CNTRL: variants seen among roughly 807,000 people sequenced by gnomAD.
The protein encoded by CNTRL is 110 kDa centrosomal protein.
In CNTRL, 233 loss-of-function variants were observed where a neutral mutation model predicts 303.7. The ratio of observed to expected loss-of-function variants is 0.77; its 90% CI spans 0.69 to 0.86. The LOEUF is 0.86. Ranked by LOEUF, CNTRL falls within the 40% of genes least tolerant of loss-of-function variation. The pLI, the probability that CNTRL is intolerant of heterozygous loss-of-function variation, is 0.00. For missense variants in CNTRL, 2,524 were observed against 2,650.6 expected, an observed-to-expected ratio of 0.95 and a Z score of 1.05; for synonymous variants, 900 against 922.2, an observed-to-expected ratio of 0.98 and a Z score of 0.44.
intron 4 of CNTRL, among the ~76,000 whole-genome samples, chr9:121,092,466 T>A (rs1346630998): frequency 1.0e-5 from 1 of 97,452 alleles, no homozygotes; most frequent in Admixed American, 1.2e-4. Flanking sequence ...TATATATATA[T>A]AATATATATC....
intron 7 of CNTRL, among the ~76,000 whole-genome samples, chr9:121,103,649 A>C (rs1488714695): frequency 6.6e-6 from 1 of 152,264 alleles, no homozygotes; most frequent in Non-Finnish European, 1.5e-5. Context: ...CAATGCACCC[A>C]TCTGACAAAG....
chr9:121,146,371 C>T (rs1015564630), intron 23 of CNTRL, 115 bp downstream of exon 23: 8 of 1,044,426 alleles, frequency 7.7e-6, no homozygotes, highest in Non-Finnish European at 1.1e-5. Context: ...TATGCTAAGC[C>T]GTGCATTGAG....
chr9:121,113,534 C>T lies in CNTRL; in HGVS notation c.1155C>T (p.Ser385=), dbSNP rs1463920987. ...YAEIDKAPDE[S]PYIGKSRYKR... is the part of the protein sequence containing the mutation. ...AAATTGATAAAGCCCCAGATGAAAG[C>T]CCTTACATTGGCAAATCCAGATACA... Residue 385 remains serine (S), a synonymous_variant, in exon 10 of 44, where the codon AGC becomes AGT. Coordinates refer to ENST00000373855, the MANE Select transcript of CNTRL (RefSeq NM_007018.6). The T allele has an allele frequency of 6.3e-7, 1 of 1,595,974 alleles. No individual in the cohort carries two copies. Among genetic ancestry groups the T allele is most frequent in the East Asian group, 2.3e-5 (1 of 44,324 alleles).
chr9:121,080,783 G>A (rs1251524622), intron 2 of CNTRL, among the ~76,000 whole-genome samples: 1 of 152,152 alleles, frequency 6.6e-6, no homozygotes, highest in African/African-American at 2.4e-5. Flanking sequence ...TATAAGTTCT[G>A]TAGGGGAGGA....
At chr9:121,143,880 A>G (rs1245288832) in intron 19 of CNTRL, 23 bp from the exon 20 acceptor site, 13 of 1,556,334 alleles carry the variant, frequency 8.4e-6, no homozygotes, top group Non-Finnish European at 1.0e-5. Context: ...TCATCTGTTT[A>G]ATTAATATTT....
rs888667444 is a variant in CNTRL at position 121,145,109 on chromosome 9, C to G, written c.3169-135C>G. On this transcript the variant is annotated intron_variant, in intron 21 of 43. Coordinates refer to ENST00000373855, the MANE Select transcript of CNTRL (RefSeq NM_007018.6). ...CCTCTACTGTGTGCCAGGCTTGGTG[C>G]AGTTTCCAAGTAATGCAGTTTCCTC... 6.0e-6 allele frequency: 7 copies of G among 1,171,810 alleles called. No homozygotes were observed. The Admixed American group carries it at 1.6e-4, about 27-fold the overall frequency. 72.6% of individuals were successfully genotyped at this position (1,171,810 alleles called of 1,614,324 possible). A position where few individuals can be genotyped will look rare whatever the true frequency, so the allele number is the denominator to read the frequency against.
intron 13 of CNTRL, among the ~76,000 whole-genome samples, chr9:121,125,321 G>A (rs2050455344): frequency 6.6e-6 from 1 of 151,686 alleles, no homozygotes; most frequent in Non-Finnish European, 1.5e-5. Flanking sequence ...GCACATGCCC[G>A]GCTAATTTTT....
chr9:121,131,518 T>C (rs1477714177), intron 14 of CNTRL, among the ~76,000 whole-genome samples: 1 of 152,254 alleles, frequency 6.6e-6, no homozygotes, highest in African/African-American at 2.4e-5. Context: ...TTTGAACCTA[T>C]GTGTGTCTCT....
Position 121,162,288 on chromosome 9 carries a change from A to G in CNTRL, c.5423+17A>G. ...AACCAAAAGGTGAGAGCAAGAACAAATAAGCTTGCAGGATCACTTCTTCAG... is the reference window on the plus strand; with the variant it reads ...AACCAAAAGGTGAGAGCAAGAACAAGTAAGCTTGCAGGATCACTTCTTCAG... On this transcript the variant is annotated intron_variant, in intron 34 of 43. Coordinates refer to ENST00000373855, the MANE Select transcript of CNTRL (RefSeq NM_007018.6). The G allele has an allele frequency of 6.3e-7, 1 of 1,599,510 alleles. No homozygotes were observed. Among genetic ancestry groups the G allele is most frequent in the African/African-American group, 1.3e-5 (1 of 74,756 alleles).
At chr9:121,109,449 CT>C (rs1316365652) in intron 8 of CNTRL, among the ~76,000 whole-genome samples, 1 of 152,100 alleles carries the variant, frequency 6.6e-6, no homozygotes, top group African/African-American at 2.4e-5. Flanking sequence ...AGCCTTCTTA[CT>C]CTTTTTAAAG....
chr9:121,113,363 A>C (rs550573963), intron 9 of CNTRL, 139 bp from the exon 10 acceptor site: 1 of 488,282 alleles, frequency 2.0e-6, no homozygotes, highest in Admixed American at 3.7e-5. Flanking sequence ...AATAATATAT[A>C]TCTTTCAGCT....
intron 11 of CNTRL, among the ~76,000 whole-genome samples, chr9:121,115,699 G>C (rs549034998): frequency 7.9e-5 from 12 of 152,280 alleles, no homozygotes; most frequent in African/African-American, 2.6e-4. Context: ...TAATTGCATA[G>C]GGGCAAAAAT....
chr9:121,175,008 C>T lies in CNTRL; in HGVS notation c.6748-10C>T, dbSNP rs2053461079. Reference sequence around the variant, plus strand: ...CTGTGTAAAACCCTAAGTCTTATCACACTTTTCAGGCCCAACTCCGACACT... The same window carrying T: ...CTGTGTAAAACCCTAAGTCTTATCATACTTTTCAGGCCCAACTCCGACACT... On this transcript the variant is annotated splice_polypyrimidine_tract_variant and intron_variant, in intron 42 of 43. Transcript: ENST00000373855. 1.2e-6 allele frequency: 2 copies of T among 1,613,040 alleles called. No homozygotes were observed. Among genetic ancestry groups the T allele is most frequent in the Middle Eastern group, 1.6e-4 (1 of 6,084 alleles).
At chr9:121,161,282 G>T in intron 32 of CNTRL, 1 of 444,744 alleles carries the variant, frequency 2.2e-6, no homozygotes, top group Non-Finnish European at 4.2e-6. Context: ...GTATTTTCCA[G>T]CTTTTCTACA....
chr9:121,107,866 C>A lies in CNTRL; in HGVS notation c.873C>A (p.Ser291Arg). 1 of 1,607,702 alleles carries A rather than the reference C, an allele frequency of 6.2e-7. No homozygotes were observed. Among genetic ancestry groups the A allele is most frequent in the Non-Finnish European group, 8.5e-7 (1 of 1,177,538 alleles). ...KKMIETEELK[S>R]KQTRFLEEIK... The stretch of plus-strand genomic sequence containing the variant: ...TGATAGAAACTGAAGAGCTTAAGAG[C>A]AAACAAACAAGGTTCCTTGAGGAAA... The change falls in exon 8 of 44, where the codon AGC (serine) becomes AGA (arginine). Residue 291 changes from serine (S) to arginine (R), a missense_variant. Physicochemically the swap from Ser to Arg is moderately radical, Grantham distance 110. Transcript: ENST00000373855.
At chr9:121,156,839 G>A (rs906576690) in intron 27 of CNTRL, among the ~76,000 whole-genome samples, 3 of 152,270 alleles carry the variant, frequency 2.0e-5, no homozygotes, top group East Asian at 1.9e-4. Context: ...TTTGTCAGCC[G>A]TAATTACATT....
At chr9:121,101,885 G>C (rs1231999111) in intron 7 of CNTRL, among the ~76,000 whole-genome samples, 2 of 152,080 alleles carry the variant, frequency 1.3e-5, no homozygotes, top group Non-Finnish European at 2.9e-5. Context: ...CCAATAACAG[G>C]CTCTGAAATT....
At chr9:121,136,549 G>A (rs1688030267) in intron 15 of CNTRL, among the ~76,000 whole-genome samples, 1 of 152,098 alleles carries the variant, frequency 6.6e-6, no homozygotes, top group East Asian at 1.9e-4. Context: ...GACCTCAGGC[G>A]ATCCACCCAC....
chr9:121,079,115 CACTT>C (rs1588030327), intron 1 of CNTRL, among the ~76,000 whole-genome samples: 1 of 152,250 alleles, frequency 6.6e-6, no homozygotes, highest in East Asian at 1.9e-4. Context: ...TACAAAAAGA[CACTT>C]ACGATAGCAA....
Sources: gnomAD v4.1 joint callset for allele counts (sites outside exome capture counted in the v4.1 genomes callset) on GRCh38, gnomAD v4.1.1 for gene constraint, MANE v1.5 for transcripts, NCBI Gene and HGNC (gene_info 2026-07-23, HGNC 2026-07-21) for gene names.